SRFBP1: variants seen among roughly 807,000 people sequenced by gnomAD.
The protein encoded by SRFBP1 is serum response factor binding protein 1.
Under a neutral mutation model 45.5 loss-of-function variants are expected in SRFBP1, and 47 were observed. The ratio of observed to expected loss-of-function variants is 1.03; its 90% CI spans 0.82 to 1.32. The LOEUF is 1.32. Among genes scored for constraint, SRFBP1 ranks in the 40% most tolerant of loss-of-function variants. SRFBP1 has a pLI of 0.00. For synonymous variants in SRFBP1, 203 were observed against 166.3 expected (o/e 1.22, Z -1.70); for missense variants, 621 against 484.6 (o/e 1.28, Z -2.64).
At chr5:121,963,344 A>T (rs1483252070) in intron 1 of SRFBP1, among the ~76,000 whole-genome samples, 1 of 152,178 alleles carries the variant, frequency 6.6e-6, no homozygotes. Flanking sequence ...ACTCATAAAC[A>T]TACATTAAGC....
chr5:121,964,326 C>G (rs1752015535), intron 1 of SRFBP1, among the ~76,000 whole-genome samples: 2 of 152,092 alleles, frequency 1.3e-5, no homozygotes, highest in Admixed American at 1.3e-4. Flanking sequence ...GGTATTTCTC[C>G]TAATGCTATC....
rs539137475 is a variant in SRFBP1, at chr5:122,020,201, A to G, written c.466A>G (p.Ser156Gly). The G allele has an allele frequency of 6.2e-7, 1 of 1,612,724 alleles. No homozygotes were observed. ...ENTLYSNDNG[S>G]NLQREATVIS... Reference sequence around the variant, plus strand: ...TACTTTGTATTCAAATGATAATGGAAGTAATTTACAGCGTGAAGCAACTGT... The same window carrying G: ...TACTTTGTATTCAAATGATAATGGAGGTAATTTACAGCGTGAAGCAACTGT... The change falls in exon 6 of 8, where the codon AGT becomes GGT. Residue 156 changes from serine to glycine, a missense_variant. By Grantham distance (56) the Ser-to-Gly change is moderately conservative. Coordinates refer to ENST00000339397, the MANE Select transcript of SRFBP1 (RefSeq NM_152546.3).
At position 122,020,457 on chromosome 5, in the gene SRFBP1, G is replaced by T. The variant is rs750350395; in HGVS notation, c.722G>T (p.Ser241Ile). Residue 241 changes from serine to isoleucine, a missense_variant, in exon 6 of 8, where the codon AGC becomes ATC. Physicochemically the swap from Ser to Ile is moderately radical, Grantham distance 142. Transcript: ENST00000339397. ...SQTKKNKGSD[S>I]SLSGNSDGGE... ...ACCAAAAAAAACAAAGGATCTGATAGCTCACTCTCTGGTAACAGTGATGGC... is the reference window on the plus strand; with the variant it reads ...ACCAAAAAAAACAAAGGATCTGATATCTCACTCTCTGGTAACAGTGATGGC... The T allele has an allele frequency of 6.2e-7, 1 of 1,614,090 alleles. No homozygotes were observed. The highest frequency in any genetic ancestry group is 1.7e-5 in the Admixed American group (1 of 60,016).
rs577229643 is a variant in SRFBP1, at chr5:121,998,034, G to A, written c.270+3364G>A. ...GGAAACAACAGGTGCTGGAGAGGAT[G>A]TGGAGAAATAGGAACACTTACACTG... On this transcript the variant is annotated intron_variant, in intron 4 of 7. Transcript: ENST00000339397. Among the ~76,000 whole-genome samples, 132 of 152,170 alleles carry A rather than the reference G, an allele frequency of 8.7e-4. 4 individuals carry two copies. In the South Asian group the frequency reaches 0.023, roughly 27 times the overall value.
chr5:122,022,340 A>G, intron 6 of SRFBP1, 30 bp from the exon 7 acceptor site: 1 of 1,583,192 alleles, frequency 6.3e-7, no homozygotes. Context: ...TTATCTTTAA[A>G]AAGTCATAAT....
At chr5:122,078,435 C>G (rs927160708), downstream of SRFBP1, 18 of 156,508 alleles carry the variant, frequency 1.2e-4, no homozygotes, top group African/African-American at 3.6e-4. Flanking sequence ...CCTCCTCCCC[C>G]CAGACACGTT....
chr5:121,968,581 T>G (rs2112812541), intron 1 of SRFBP1, among the ~76,000 whole-genome samples: 1 of 152,296 alleles, frequency 6.6e-6, no homozygotes, highest in East Asian at 1.9e-4. Context: ...TTTATATACG[T>G]TATTTTCTCT....
chr5:121,985,499 T>C (rs1169799817), intron 3 of SRFBP1, among the ~76,000 whole-genome samples: 1 of 151,874 alleles, frequency 6.6e-6, no homozygotes, highest in Non-Finnish European at 1.5e-5. Context: ...GTGTGTTTTT[T>C]TAATCTAGGT....
intron 1 of SRFBP1, among the ~76,000 whole-genome samples, chr5:121,971,799 C>T (rs1162615965): frequency 6.6e-6 from 1 of 151,950 alleles, no homozygotes; most frequent in Non-Finnish European, 1.5e-5. Flanking sequence ...AGAAAACTAT[C>T]TTGGAAAACT....
intron 2 of SRFBP1, among the ~76,000 whole-genome samples, chr5:122,045,512 G>C (rs1408172524): frequency 6.6e-6 from 1 of 152,094 alleles, no homozygotes; most frequent in Non-Finnish European, 1.5e-5. Context: ...CCATATGTTT[G>C]TGTCATCTCT....
intron 2 of SRFBP1, chr5:122,063,411 CAT>C (rs1175202827): frequency 6.6e-6 from 1 of 151,856 alleles, no homozygotes; most frequent in Non-Finnish European, 1.5e-5. Flanking sequence ...CACCAAATGA[CAT>C]GTTACTTAGT....
chr5:122,051,731 T>C (rs1165612857), intron 2 of SRFBP1, among the ~76,000 whole-genome samples: 2 of 152,114 alleles, frequency 1.3e-5, no homozygotes, highest in East Asian at 3.9e-4. Flanking sequence ...GCCTTTTAAT[T>C]GGGGCATTTA....
At chr5:121,994,764 G>C in intron 4 of SRFBP1, 94 bp downstream of exon 4, 2 of 789,078 alleles carry the variant, frequency 2.5e-6, no homozygotes, top group Non-Finnish European at 3.9e-6. Context: ...AAGAAGTCAT[G>C]CTATTAGTTT....
At chr5:122,061,725 CA>C (rs1342300923) in intron 2 of SRFBP1, among the ~76,000 whole-genome samples, 1 of 151,918 alleles carries the variant, frequency 6.6e-6, no homozygotes, top group African/African-American at 2.4e-5. Flanking sequence ...AGTTATCTAA[CA>C]AATAGGAAAG....
At chr5:122,041,080 A>C (rs1370389664) in intron 2 of SRFBP1, among the ~76,000 whole-genome samples, 1 of 152,170 alleles carries the variant, frequency 6.6e-6, no homozygotes, top group East Asian at 1.9e-4. Context: ...AATATGCATA[A>C]GTTTTTCAGT....
At chr5:122,035,300 C>T (rs998614112) in intron 2 of SRFBP1, among the ~76,000 whole-genome samples, 2 of 152,148 alleles carry the variant, frequency 1.3e-5, no homozygotes, top group Non-Finnish European at 2.9e-5. Context: ...TCCTGAGTGT[C>T]CAGTGTAGGC....
At chr5:122,058,669 C>G (rs1285091148) in intron 2 of SRFBP1, among the ~76,000 whole-genome samples, 1 of 151,960 alleles carries the variant, frequency 6.6e-6, no homozygotes, top group Non-Finnish European at 1.5e-5. Context: ...CACACTTCCC[C>G]TTAACTAGCT....
At chr5:122,041,856 T>A (rs541305666) in intron 2 of SRFBP1, among the ~76,000 whole-genome samples, 2 of 152,328 alleles carry the variant, frequency 1.3e-5, no homozygotes, top group East Asian at 3.9e-4. Flanking sequence ...ATAATAGCAA[T>A]GATATTAGAC....
intron 7 of SRFBP1, among the ~76,000 whole-genome samples, chr5:122,024,624 A>G (rs1753437901): frequency 6.6e-6 from 1 of 152,116 alleles, no homozygotes; most frequent in South Asian, 2.1e-4. Flanking sequence ...ATGTGACCTC[A>G]CCTAACTGCA....
Sources: allele counts gnomAD v4.1 joint callset (sites outside exome capture counted in the v4.1 genomes callset), GRCh38; gene constraint gnomAD v4.1.1; transcripts MANE v1.5; gene names NCBI Gene and HGNC (gene_info 2026-07-23, HGNC 2026-07-21).